The following PARD3B variants were observed in gnomAD, a reference collection of about 807,000 sequenced individuals.
PARD3B encodes the protein partitioning defective 3 homolog B.
PARD3B carries 103 observed loss-of-function variants against 130.2 expected under a neutral mutation model. The ratio of observed to expected loss-of-function variants is 0.79; its 90% CI spans 0.67 to 0.93. The LOEUF (loss-of-function observed/expected upper bound fraction) is 0.93. Among genes scored for constraint, PARD3B ranks in the 40% least tolerant of loss-of-function variants. PARD3B has a pLI of 0.00. For synonymous variants in PARD3B, 583 were observed against 553.2 expected, an observed-to-expected ratio of 1.05 and a Z score of -0.76; for missense variants, 1,609 against 1,499.2, an observed-to-expected ratio of 1.07 and a Z score of -1.21.
At chr2:205,052,444 TATATATAA>T (rs1266427632) in intron 4 of PARD3B, among the ~76,000 whole-genome samples, 2,597 of 42,706 alleles carry the variant, frequency 0.061, 52 homozygotes, top group African/African-American at 0.08. Flanking sequence ...TATATATATA[TATATATAA>T]AATTAAAAAA....
In PARD3B at chr2:204,839,666, T is replaced by C. The variant is rs533898755; in HGVS notation, c.223-125486T>C. ...TCCTTTTCTCTTGTGCCTCATTTTGTGTGTGCATTTGACAACAAATGCAGG... is the reference window on the plus strand; with the variant it reads ...TCCTTTTCTCTTGTGCCTCATTTTGCGTGTGCATTTGACAACAAATGCAGG... On this transcript the variant is annotated intron_variant, in intron 2 of 22. Transcript: ENST00000406610. Among the ~76,000 whole-genome samples the C allele has an allele frequency of 3.9e-5, 6 of 152,246 alleles. No individual in the cohort carries two copies. The South Asian group carries it at 1.2e-3, about 32-fold the overall frequency.
intron 3 of PARD3B, among the ~76,000 whole-genome samples, chr2:205,032,294 C>A (rs1575593871): frequency 6.6e-6 from 1 of 152,022 alleles, no homozygotes; most frequent in African/African-American, 2.4e-5. Context: ...ATATGAAACA[C>A]CTGGGTGGTC....
chr2:205,478,542 C>T (rs975003036), intron 20 of PARD3B, among the ~76,000 whole-genome samples: 27 of 152,088 alleles, frequency 1.8e-4, no homozygotes, highest in African/African-American at 6.0e-4. Context: ...GAGATGTTTT[C>T]GATTTTACCG....
At chr2:204,716,202 T>A (rs2125310103) in intron 2 of PARD3B, among the ~76,000 whole-genome samples, 1 of 152,290 alleles carries the variant, frequency 6.6e-6, no homozygotes, top group East Asian at 1.9e-4. Context: ...GTCTCCAGTC[T>A]GGTTGCTATT....
At chr2:205,178,544 G>A (rs1054049222) in intron 13 of PARD3B, among the ~76,000 whole-genome samples, 8 of 152,194 alleles carry the variant, frequency 5.3e-5, no homozygotes, top group Non-Finnish European at 7.3e-5. Flanking sequence ...GGAAAGGAAT[G>A]GCAAGTTTTC....
At chr2:204,853,547 A>C (rs1182803001) in intron 2 of PARD3B, among the ~76,000 whole-genome samples, 1 of 152,218 alleles carries the variant, frequency 6.6e-6, no homozygotes, top group Non-Finnish European at 1.5e-5. Context: ...TGGCAATGGA[A>C]GTCAGTACTG....
At chr2:204,569,924 A>G (rs2031889324) in intron 1 of PARD3B, among the ~76,000 whole-genome samples, 1 of 152,078 alleles carries the variant, frequency 6.6e-6, no homozygotes, top group African/African-American at 2.4e-5. Flanking sequence ...ACAAAATCAA[A>G]CCTTTCTCTG....
intron 18 of PARD3B, among the ~76,000 whole-genome samples, chr2:205,349,259 TTGTC>T (rs1405850359): frequency 6.6e-6 from 1 of 152,194 alleles, no homozygotes; most frequent in African/African-American, 2.4e-5. Flanking sequence ...CATTGGCTGA[TTGTC>T]TGGGGCATGC....
intron 15 of PARD3B, among the ~76,000 whole-genome samples, chr2:205,207,735 C>A (rs1204606944): frequency 8.0e-6 from 1 of 124,820 alleles, no homozygotes; most frequent in Non-Finnish European, 1.7e-5. Flanking sequence ...AATAGTTTAC[C>A]AACCAAAAAG....
intron 21 of PARD3B, among the ~76,000 whole-genome samples, chr2:205,508,124 G>A (rs1301811649): frequency 6.6e-6 from 1 of 152,200 alleles, no homozygotes; most frequent in Non-Finnish European, 1.5e-5. Context: ...CCCAGGAGAA[G>A]CAGTAGAATT....
chr2:204,632,619 AGC>A (rs1230637861), intron 1 of PARD3B, among the ~76,000 whole-genome samples: 196 of 152,250 alleles, frequency 1.3e-3, no homozygotes, highest in Non-Finnish European at 2.4e-3. Context: ...GTCTCCACAC[AGC>A]TCTATGTGTT....
chr2:205,556,939 G>A (rs1174604959), intron 22 of PARD3B, among the ~76,000 whole-genome samples: 3 of 152,026 alleles, frequency 2.0e-5, no homozygotes, highest in Admixed American at 2.0e-4. Context: ...TTCTGATTTC[G>A]CAGGCCTCCT....
At chr2:205,188,056 C>A (rs919162259) in intron 14 of PARD3B, among the ~76,000 whole-genome samples, 6 of 152,224 alleles carry the variant, frequency 3.9e-5, no homozygotes, top group Non-Finnish European at 8.8e-5. Flanking sequence ...GCAGCGTCCT[C>A]TTAGAGACAG....
chr2:205,153,061 C>G (rs909639489), intron 10 of PARD3B, among the ~76,000 whole-genome samples: 7 of 152,140 alleles, frequency 4.6e-5, no homozygotes, highest in African/African-American at 1.7e-4. Flanking sequence ...CACTCCAGAC[C>G]CTGTTTGCCT....
intron 1 of PARD3B, among the ~76,000 whole-genome samples, chr2:204,576,446 G>T (rs1367380978): frequency 6.6e-6 from 1 of 152,146 alleles, no homozygotes; most frequent in African/African-American, 2.4e-5. Flanking sequence ...CATTGTTGCG[G>T]CAAAGTTTTT....
At chr2:205,346,390 G>C (rs2105828698) in intron 18 of PARD3B, among the ~76,000 whole-genome samples, 1 of 151,974 alleles carries the variant, frequency 6.6e-6, no homozygotes, top group African/African-American at 2.4e-5. Flanking sequence ...TGAGGCTCAG[G>C]TGTTATTTAG....
intron 12 of PARD3B, among the ~76,000 whole-genome samples, chr2:205,173,477 G>A (rs6435274): frequency 0.75 from 114,490 of 152,014 alleles, 43,502 homozygotes; most frequent in African/African-American, 0.81. Context: ...CTTGGTTTCC[G>A]CATGTAGTAG....
chr2:204,813,070 T>G (rs1237222957), intron 2 of PARD3B, among the ~76,000 whole-genome samples: 1 of 152,200 alleles, frequency 6.6e-6, no homozygotes, highest in African/African-American at 2.4e-5. Flanking sequence ...TATTTCTCTT[T>G]GTAAATATCT....
At position 205,585,963 on chromosome 2, in the gene PARD3B, C is replaced by T. The variant is rs147689771; in HGVS notation, c.3261-29493C>T. Among the ~76,000 whole-genome samples the T allele has an allele frequency of 3.4e-3, 521 of 152,290 alleles. 3 individuals are homozygous for T. Among genetic ancestry groups the T allele is most frequent in the African/African-American group, 0.011 (465 of 41,570 alleles). On this transcript the variant is annotated intron_variant, in intron 22 of 22. Coordinates refer to ENST00000406610, the MANE Select transcript of PARD3B (RefSeq NM_001302769.2). This position sits in a 1 kb window ranked among gnomAD's most constrained non-coding sequence, Gnocchi z 5.4. ...AACAGTCCAGGCATTGGTTTCTGAGCTTTCAGAAGGCCAATGTGAGGAAAT... is the reference window on the plus strand; with the variant it reads ...AACAGTCCAGGCATTGGTTTCTGAGTTTTCAGAAGGCCAATGTGAGGAAAT...
Sources: allele counts gnomAD v4.1 joint callset (sites outside exome capture counted in the v4.1 genomes callset), GRCh38; gene constraint gnomAD v4.1.1; non-coding constraint Gnocchi (gnomAD v3.1); transcripts MANE v1.5; gene names NCBI Gene and HGNC (gene_info 2026-07-23, HGNC 2026-07-21).